TMC7: variants seen among roughly 807,000 people sequenced by gnomAD.
The protein encoded by TMC7 is transmembrane channel-like protein 7.
A neutral mutation model predicts 82.9 loss-of-function variants in TMC7; 54 were observed. The observed-to-expected ratio is 0.65, with a 90% CI of 0.52 to 0.82. The LOEUF is 0.82. Among genes scored for constraint, TMC7 ranks in the 40% least tolerant of loss-of-function variants. The pLI is 0.00. For missense variants in TMC7, 820 were observed against 901.2 expected, an observed-to-expected ratio of 0.91 and a Z score of 1.15; for synonymous variants, 350 against 337.9, an observed-to-expected ratio of 1.04 and a Z score of -0.39.
intron 5 of TMC7, 100 bp from the exon 6 acceptor site, chr16:19,030,124 A>C (rs988191731): frequency 8.0e-7 from 1 of 1,246,650 alleles, no homozygotes; most frequent in African/African-American, 1.5e-5. Context: ...CAGAGAGGAA[A>C]GGGGACACTG....
intron 15 of TMC7, chr16:19,059,808 C>T: frequency 2.5e-6 from 2 of 786,466 alleles, no homozygotes; most frequent in East Asian, 5.7e-5. Context: ...GAAACCCCGT[C>T]TCTACTAAAA....
At chr16:19,040,550 C>G in intron 9 of TMC7, 104 bp downstream of exon 9, 6 of 1,100,046 alleles carry the variant, frequency 5.5e-6, no homozygotes, top group Non-Finnish European at 7.9e-6. Flanking sequence ...CATTTTCCTG[C>G]TGAGCCAAGA....
Position 19,045,244 on chromosome 16 carries a change from T to C in TMC7, c.1456-97T>C, listed in dbSNP as rs1961215687. On this transcript the variant is annotated intron_variant, in intron 10 of 15. Coordinates refer to ENST00000304381, the MANE Select transcript of TMC7 (RefSeq NM_024847.4). ...TGATGCCCTCACTGGAGCCACAGGA[T>C]CTGGAGTTGGAAAGGGAATTAGAAG... is the stretch of plus-strand genomic sequence containing the variant. 12 of 1,022,212 alleles carry C rather than the reference T, an allele frequency of 1.2e-5. No homozygotes were observed. In the Admixed American group the frequency reaches 1.4e-4, roughly 12 times the overall value. The allele number at this position is 1,022,212 out of a possible 1,614,324, so 63.3% of individuals were successfully genotyped here. A position where few individuals can be genotyped will look rare whatever the true frequency, so the allele number is the denominator to read the frequency against.
At chr16:19,046,015 A>C (rs567619040) in intron 11 of TMC7, among the ~76,000 whole-genome samples, 2 of 152,248 alleles carry the variant, frequency 1.3e-5, no homozygotes, top group Admixed American at 1.3e-4. Flanking sequence ...GGTTTGAACC[A>C]TTGTGTCTGT....
chr16:19,005,300 G>C (rs2039219637), intron 1 of TMC7, among the ~76,000 whole-genome samples: 1 of 152,114 alleles, frequency 6.6e-6, no homozygotes, highest in Non-Finnish European at 1.5e-5. Context: ...CATGTTAGCA[G>C]GATGGTCTTG....
intron 1 of TMC7, among the ~76,000 whole-genome samples, chr16:18,998,647 G>T (rs1055871260): frequency 6.6e-6 from 1 of 152,054 alleles, no homozygotes; most frequent in Admixed American, 6.6e-5. Context: ...CCAGCCACTT[G>T]GGAGGCTGAG....
rs577827497 is a variant in TMC7, at chr16:19,050,663, A to G, written c.1741-1023A>G. Among the ~76,000 whole-genome samples the G allele has an allele frequency of 4.6e-5, 7 of 152,060 alleles. No individual in the cohort carries two copies. In the South Asian group the frequency reaches 1.5e-3, roughly 32 times the overall value. ...ACCACCATGGCTGGCTAATTTTTGT[A>G]GAGACAGGGTTTTTTTTAATAGAGA... On this transcript the variant is annotated intron_variant, in intron 12 of 15. Coordinates refer to ENST00000304381, the MANE Select transcript of TMC7 (RefSeq NM_024847.4).
chr16:19,022,220 TTAGAAG>T (rs1019799350), intron 4 of TMC7, among the ~76,000 whole-genome samples: 6 of 152,100 alleles, frequency 3.9e-5, no homozygotes, highest in Middle Eastern at 3.2e-3. Context: ...GAAGGAAACA[TTAGAAG>T]TAGAAGGAGA....
chr16:18,986,935 G>A (rs1460144641), intron 1 of TMC7, among the ~76,000 whole-genome samples: 1 of 151,864 alleles, frequency 6.6e-6, no homozygotes, highest in Non-Finnish European at 1.5e-5. Flanking sequence ...CTCCCGAGTA[G>A]CTGGGACTAC....
intron 15 of TMC7, among the ~76,000 whole-genome samples, chr16:19,061,170 A>C (rs1961992775): frequency 6.6e-6 from 1 of 151,950 alleles, no homozygotes; most frequent in South Asian, 2.1e-4. Context: ...CGCCCGGCTA[A>C]TTTTTTGTAT....
At chr16:19,006,548 C>A (rs1399923931) in intron 1 of TMC7, among the ~76,000 whole-genome samples, 1 of 152,100 alleles carries the variant, frequency 6.6e-6, no homozygotes, top group African/African-American at 2.4e-5. Flanking sequence ...GTCTACAAAG[C>A]CTGACTTGGT....
At chr16:18,986,320 G>A (rs1028929649) in intron 1 of TMC7, among the ~76,000 whole-genome samples, 4 of 151,262 alleles carry the variant, frequency 2.6e-5, no homozygotes, top group African/African-American at 4.9e-5. Flanking sequence ...GCTTGAACCC[G>A]GGAGGTGGAG....
chr16:18,987,667 A>G (rs1327344558), intron 1 of TMC7, among the ~76,000 whole-genome samples: 1 of 152,214 alleles, frequency 6.6e-6, no homozygotes, highest in Non-Finnish European at 1.5e-5. Flanking sequence ...TTGTTTCCCT[A>G]GAACCTAGAA....
chr16:18,997,418 G>A (rs528234612), intron 1 of TMC7, among the ~76,000 whole-genome samples: 4 of 152,214 alleles, frequency 2.6e-5, no homozygotes, highest in African/African-American at 9.6e-5. Flanking sequence ...CACCCAGACT[G>A]GAGTGCAGTG....
chr16:19,051,531 G>T (rs1158094860), intron 12 of TMC7, among the ~76,000 whole-genome samples, 155 bp from the exon 13 acceptor site: 5 of 151,902 alleles, frequency 3.3e-5, no homozygotes, highest in African/African-American at 7.3e-5. Context: ...TGATAGTTTG[G>T]ATGAAACCTT....
Position 19,008,497 on chromosome 16 carries a change from A to C in TMC7, c.68-675A>C, listed in dbSNP as rs1281433482. 2.0e-5 allele frequency among the ~76,000 whole-genome samples: 3 copies of C among 152,260 alleles called. No individual in the cohort carries two copies. In the East Asian group the frequency reaches 5.8e-4, roughly 29 times the overall value. ...CTCAGCTGGGGCAGTCATCCCACAT[A>C]GTCTCATCTTCCAGCAGGCTAGCTC... is the stretch of plus-strand genomic sequence containing the variant. On this transcript the variant is annotated intron_variant, in intron 1 of 15. Coordinates refer to ENST00000304381, the MANE Select transcript of TMC7 (RefSeq NM_024847.4).
At chr16:19,015,722 C>T (rs150152456) in intron 2 of TMC7, among the ~76,000 whole-genome samples, 6 of 152,138 alleles carry the variant, frequency 3.9e-5, no homozygotes, top group East Asian at 3.9e-4. Flanking sequence ...GAATTACAGA[C>T]GCCCACCACC....
chr16:18,994,067 G>A (rs145331749), intron 1 of TMC7, among the ~76,000 whole-genome samples: 3,879 of 152,232 alleles, frequency 0.025, 78 homozygotes, highest in Non-Finnish European at 0.039. Flanking sequence ...TGGGGGTCAG[G>A]TGTGGTATCT....
At chr16:19,038,375 AGT>A (rs1960855772) in intron 8 of TMC7, among the ~76,000 whole-genome samples, 1 of 149,014 alleles carries the variant, frequency 6.7e-6, no homozygotes, top group Non-Finnish European at 1.5e-5. Context: ...TTGTGTTTTT[AGT>A]AGAGACTGGG....
Sources: allele counts gnomAD v4.1 joint callset (sites outside exome capture counted in the v4.1 genomes callset), GRCh38; gene constraint gnomAD v4.1.1; transcripts MANE v1.5; gene names NCBI Gene and HGNC (gene_info 2026-07-23, HGNC 2026-07-21).